Variants in EYA3 observed in about 807,000 individuals in gnomAD.
EYA3 encodes the protein protein phosphatase EYA3.
In EYA3, 39 loss-of-function variants were observed where a neutral mutation model predicts 80.0. That is an observed-to-expected ratio of 0.49 (90% CI 0.38 to 0.64). The LOEUF (loss-of-function observed/expected upper bound fraction) is 0.64. EYA3 is among the 30% of genes least tolerant of loss of function. The pLI is 0.00. For missense variants in EYA3, 523 were observed against 676.1 expected (o/e 0.77, Z 2.51); for synonymous variants, 206 against 232.8 (o/e 0.88, Z 1.05).
At position 27,993,431 on chromosome 1, in the gene EYA3, TTC is replaced by T; in HGVS notation, c.1270_1271del (p.Glu424AsnfsTer3). ...CGTTGCTTTTATGCTTATCATAGATTTCTCTCACTTTCCGGTAGCGGAAAGCT... is the reference window on the plus strand; with the variant it reads ...CGTTGCTTTTATGCTTATCATAGATTTCTCACTTTCCGGTAGCGGAAAGCT... ...KLAFRYRKVR[E>X]IYDKHKSNVG... is the part of the protein sequence containing the mutation. On this transcript the variant is annotated frameshift_variant, in exon 14 of 18. Coordinates refer to ENST00000373871, the MANE Select transcript of EYA3 (RefSeq NM_001990.4). LOFTEE classifies it high-confidence loss of function. 1 of 1,613,670 alleles carries T rather than the reference TTC, an allele frequency of 6.2e-7. No homozygotes were observed. The highest frequency in any genetic ancestry group is 8.5e-7 in the Non-Finnish European group (1 of 1,179,814).
chr1:28,012,129 G>A (rs1269030356), intron 9 of EYA3, among the ~76,000 whole-genome samples: 2 of 152,156 alleles, frequency 1.3e-5, no homozygotes, highest in African/African-American at 4.8e-5. Context: ...GGAATCTGGG[G>A]AGGGAGCTAG....
At position 27,974,315 on chromosome 1, in the gene EYA3, G is replaced by T; in HGVS notation, c.*151C>A. ...GGAGGGAGAGAGGAAGGGAGGGAGG[G>T]AGAGAGGGAGAGAGAGAAAGAGAGA... On this transcript the variant is annotated 3_prime_UTR_variant, in exon 18 of 18. Transcript: ENST00000373871. The T allele has an allele frequency of 2.0e-6, 1 of 492,624 alleles. No individual in the cohort carries two copies. The highest frequency in any genetic ancestry group is 3.7e-6 in the Non-Finnish European group (1 of 271,252). 30.5% of individuals were successfully genotyped at this position (492,624 alleles called of 1,614,324 possible).
intron 7 of EYA3, among the ~76,000 whole-genome samples, chr1:28,019,939 T>C (rs1204351340): frequency 6.6e-6 from 1 of 152,000 alleles, no homozygotes; most frequent in East Asian, 1.9e-4. Flanking sequence ...TGACCTCAGG[T>C]GATCCACCCA....
chr1:28,064,431 C>CTAA (rs1557635753), intron 1 of EYA3, among the ~76,000 whole-genome samples: 11 of 127,582 alleles, frequency 8.6e-5, no homozygotes, highest in Non-Finnish European at 9.9e-5. Flanking sequence ...GACTCTGCCT[C>CTAA]AAAAAAAAAA....
chr1:28,012,664 A>C (rs1487216537), intron 9 of EYA3, among the ~76,000 whole-genome samples: 1 of 152,216 alleles, frequency 6.6e-6, no homozygotes, highest in Non-Finnish European at 1.5e-5. Flanking sequence ...TGTAGGTTAA[A>C]TTGTATATAT....
At chr1:28,002,605 T>C (rs1406284246) in intron 11 of EYA3, among the ~76,000 whole-genome samples, 1 of 151,452 alleles carries the variant, frequency 6.6e-6, no homozygotes, top group Non-Finnish European at 1.5e-5. Context: ...GAGCCTCAGA[T>C]TTCAAGATGA....
At chr1:28,057,601 G>A (rs1160655485) in intron 2 of EYA3, among the ~76,000 whole-genome samples, 1 of 152,012 alleles carries the variant, frequency 6.6e-6, no homozygotes, top group East Asian at 1.9e-4. Context: ...TTAGCTAGTG[G>A]TCAAATTATA....
At chr1:28,062,658 GT>G (rs1644674828) in intron 1 of EYA3, among the ~76,000 whole-genome samples, 1 of 35,744 alleles carries the variant, frequency 2.8e-5, no homozygotes, top group East Asian at 1.5e-3. Context: ...ATATATGTAG[GT>G]GTGTGTGTGT....
chr1:28,043,577 C>G (rs1476505543), intron 3 of EYA3, among the ~76,000 whole-genome samples: 2 of 152,136 alleles, frequency 1.3e-5, no homozygotes, highest in Non-Finnish European at 2.9e-5. Flanking sequence ...GTGGCTTACA[C>G]CTGTAATCCC....
chr1:28,062,657 G>GCTGT (rs1553155521), intron 1 of EYA3, among the ~76,000 whole-genome samples: 1 of 141,528 alleles, frequency 7.1e-6, no homozygotes, highest in Non-Finnish European at 1.5e-5. Context: ...AATATATGTA[G>GCTGT]GTGTGTGTGT....
chr1:28,053,727 G>T (rs1164798095), intron 2 of EYA3, among the ~76,000 whole-genome samples: 2 of 152,200 alleles, frequency 1.3e-5, no homozygotes, highest in African/African-American at 4.8e-5. Context: ...AGAGTGAACT[G>T]CTTATGAAAA....
intron 1 of EYA3, among the ~76,000 whole-genome samples, chr1:28,073,500 G>A (rs938751085): frequency 1.3e-5 from 2 of 150,318 alleles, no homozygotes; most frequent in African/African-American, 2.4e-5. Context: ...GCATTTCACC[G>A]TGTTGCCCAG....
At chr1:28,042,202 C>T (rs1306675850) in intron 4 of EYA3, among the ~76,000 whole-genome samples, 1 of 152,144 alleles carries the variant, frequency 6.6e-6, no homozygotes, top group Non-Finnish European at 1.5e-5. Context: ...ATATAGAACT[C>T]AAGACACACC....
intron 7 of EYA3, among the ~76,000 whole-genome samples, chr1:28,022,778 G>A (rs988407716): frequency 1.4e-4 from 22 of 151,826 alleles, no homozygotes; most frequent in African/African-American, 5.1e-4. Context: ...TCAGTGGTGC[G>A]ATCACAGCTC....
In EYA3 at chr1:28,042,592, T is replaced by C; in HGVS notation, c.136A>G (p.Asn46Asp). The change falls in exon 4 of 18, where the codon AAC becomes GAC. Residue 46 changes from asparagine (N) to aspartate (D), a missense_variant. Asn to Asp is a conservative substitution (Grantham distance 23, BLOSUM62 1). Coordinates refer to ENST00000373871, the MANE Select transcript of EYA3 (RefSeq NM_001990.4). ...QKPETSSLAS[N>D]LPMSEEIMTC... is the part of the protein sequence containing the mutation. ...TTACTTTCCTCTGACATGGGAAGGT[T>C]TGAAGCAAGGCTTGATGTTTCAGGC... is the stretch of plus-strand genomic sequence containing the variant. 6.2e-7 allele frequency: 1 copy of C among 1,614,180 alleles called. No homozygotes were observed. Among genetic ancestry groups the C allele is most frequent in the Non-Finnish European group, 8.5e-7 (1 of 1,179,998 alleles).
At position 28,027,840 on chromosome 1, in the gene EYA3, C is replaced by G. The variant is rs1206961866; in HGVS notation, c.448G>C (p.Gly150Arg). 1 of 1,614,148 alleles carries G rather than the reference C, an allele frequency of 6.2e-7. No individual in the cohort carries two copies. Among genetic ancestry groups the G allele is most frequent in the East Asian group, 2.2e-5 (1 of 44,876 alleles). ...SQHSVLTCTT[G>R]LTTSQPSPAH... The stretch of plus-strand genomic sequence containing the variant: ...GGGCTTGGCTGGCTTGTGGTTAACC[C>G]TGTAGTGCAGGTAAGAACACTGTGT... The change falls in exon 7 of 18, where the codon GGG (glycine) becomes CGG (arginine). Residue 150 changes from glycine to arginine, a missense_variant. Transcript: ENST00000373871.
chr1:28,000,667 A>G (rs1466583326), intron 11 of EYA3, among the ~76,000 whole-genome samples: 1 of 152,068 alleles, frequency 6.6e-6, no homozygotes, highest in Non-Finnish European at 1.5e-5. Context: ...GCTAGCTCAC[A>G]CCTGTCATCT....
chr1:27,997,315 A>T lies in EYA3; in HGVS notation c.1142+5T>A. On this transcript the variant is annotated splice_donor_5th_base_variant and intron_variant, in intron 13 of 17. Transcript: ENST00000373871. ...CTGGTGTTCAAGAATCATTATGTTTATCACCTCAAGTCTTGGCCATTGTCA... is the reference window on the plus strand; with the variant it reads ...CTGGTGTTCAAGAATCATTATGTTTTTCACCTCAAGTCTTGGCCATTGTCA... 2.0e-6 allele frequency: 3 copies of T among 1,517,618 alleles called. No homozygotes were observed. Among genetic ancestry groups the T allele is most frequent in the Non-Finnish European group, 1.8e-6 (2 of 1,091,954 alleles). The allele number at this position is 1,517,618 out of a possible 1,614,324, so 94.0% of individuals were successfully genotyped here. A position where few individuals can be genotyped will look rare whatever the true frequency, so the allele number is the denominator to read the frequency against.
At chr1:28,050,481 C>T (rs1363939928) in intron 2 of EYA3, among the ~76,000 whole-genome samples, 2 of 152,056 alleles carry the variant, frequency 1.3e-5, no homozygotes, top group Middle Eastern at 3.4e-3. Flanking sequence ...GGATTACAGG[C>T]GTGAGCCACT....
Sources: gnomAD v4.1 joint callset for allele counts (sites outside exome capture counted in the v4.1 genomes callset) on GRCh38, gnomAD v4.1.1 for gene constraint, MANE v1.5 for transcripts, NCBI Gene and HGNC (gene_info 2026-07-23, HGNC 2026-07-21) for gene names.